Variants in BCAR3 observed in about 807,000 individuals in gnomAD.
The protein encoded by BCAR3 is BCAR3 adaptor protein, NSP family member, also known as breast cancer anti-estrogen resistance protein 3.
A neutral mutation model predicts 80.1 loss-of-function variants in BCAR3; 37 were observed. That is an observed-to-expected ratio of 0.46 (90% CI 0.36 to 0.61). The LOEUF is 0.61. Among genes scored for constraint, BCAR3 ranks in the 20% least tolerant of loss-of-function variants. The pLI, the probability that BCAR3 is intolerant of heterozygous loss-of-function variation, is 0.00. For synonymous variants in BCAR3, 389 were observed against 418.9 expected (o/e 0.93, Z 0.87); for missense variants, 978 against 1,068.2 (o/e 0.92, Z 1.18).
At chr1:93,634,282 T>C (rs1675710669) in intron 3 of BCAR3, among the ~76,000 whole-genome samples, 3 of 152,220 alleles carry the variant, frequency 2.0e-5, no homozygotes, top group Admixed American at 2.0e-4. Context: ...AATCTCATCT[T>C]GAATTCCCAT....
intron 9 of BCAR3, among the ~76,000 whole-genome samples, chr1:93,571,114 G>A (rs1401684645): frequency 6.6e-6 from 1 of 151,814 alleles, no homozygotes; most frequent in Non-Finnish European, 1.5e-5. Flanking sequence ...TGAGGCAGGA[G>A]AATCGCTTGA....
At chr1:93,807,023 T>C (rs138032521) in intron 2 of BCAR3, among the ~76,000 whole-genome samples, 2 of 152,016 alleles carry the variant, frequency 1.3e-5, no homozygotes, top group African/African-American at 4.8e-5. Flanking sequence ...GAAGATTGCT[T>C]GAGCCCAGGA....
intron 1 of BCAR3, among the ~76,000 whole-genome samples, chr1:93,675,966 A>T (rs977559265): frequency 7.2e-6 from 1 of 138,462 alleles, no homozygotes; most frequent in African/African-American, 2.7e-5. Flanking sequence ...GCCCCTGGAG[A>T]TAGAGGCTCC....
At chr1:93,618,650 T>C (rs1386161388) in intron 3 of BCAR3, among the ~76,000 whole-genome samples, 3 of 152,168 alleles carry the variant, frequency 2.0e-5, no homozygotes, top group Non-Finnish European at 4.4e-5. Flanking sequence ...AAATCTTATA[T>C]TACACAAGCT....
Position 93,567,437 on chromosome 1 carries a change from A to G in BCAR3, c.2141T>C (p.Val714Ala). Residue 714 changes from valine (V) to alanine (A), a missense_variant, in exon 11 of 12, where the codon GTG becomes GCG. By Grantham distance (64) the Val-to-Ala change is moderately conservative. Coordinates refer to ENST00000260502, the MANE Select transcript of BCAR3 (RefSeq NM_003567.4). ...NVSVPLLMPL[V>A]TLMERQAVTF... ...CACAGCCTGGCGCTCCATTAACGTC[A>G]CAAGCGGCATCAGCAGTGGGACTGA... 1 of 1,614,206 alleles carries G rather than the reference A, an allele frequency of 6.2e-7. No homozygotes were observed. Among genetic ancestry groups the G allele is most frequent in the South Asian group, 1.1e-5 (1 of 91,082 alleles).
At chr1:93,614,504 A>AT (rs1675047636) in intron 3 of BCAR3, among the ~76,000 whole-genome samples, 1 of 152,064 alleles carries the variant, frequency 6.6e-6, no homozygotes, top group African/African-American at 2.4e-5. Flanking sequence ...GAAATACTAG[A>AT]TGTACTAAGT....
chr1:93,585,520 TC>T (rs1321961793), intron 5 of BCAR3, among the ~76,000 whole-genome samples: 3 of 152,196 alleles, frequency 2.0e-5, no homozygotes, highest in Non-Finnish European at 4.4e-5. Context: ...TAGGAGGCCT[TC>T]CCTGCAGCAG....
intron 1 of BCAR3, among the ~76,000 whole-genome samples, chr1:93,677,689 G>A (rs887409569): frequency 2.0e-5 from 3 of 152,152 alleles, no homozygotes; most frequent in African/African-American, 4.8e-5. Context: ...AAGGTGGTGC[G>A]ATGCTGTAAC....
At chr1:93,829,767 C>T (rs944948635) in intron 2 of BCAR3, among the ~76,000 whole-genome samples, 1 of 152,154 alleles carries the variant, frequency 6.6e-6, no homozygotes, top group Non-Finnish European at 1.5e-5. Context: ...CATTTCTACC[C>T]CTACAATGGC....
chr1:93,826,950 G>C (rs1036818264), intron 2 of BCAR3, among the ~76,000 whole-genome samples: 3 of 152,150 alleles, frequency 2.0e-5, no homozygotes, highest in South Asian at 4.1e-4. Context: ...GTCATCAGTG[G>C]AGGGAAATAA....
Position 93,676,832 on chromosome 1 carries a change from A to C in BCAR3, c.-11-1891T>G, listed in dbSNP as rs146709972. 9.2e-5 allele frequency among the ~76,000 whole-genome samples: 14 copies of C among 152,314 alleles called. No individual in the cohort carries two copies. The East Asian group carries it at 2.7e-3, about 29-fold the overall frequency. The stretch of plus-strand genomic sequence containing the variant: ...AACTTCTTCATGTGCATAGGGCCAC[A>C]CTGTTGATCAAATCTATTTCCAATA... On this transcript the variant is annotated intron_variant, in intron 1 of 11. Coordinates refer to ENST00000260502, the MANE Select transcript of BCAR3 (RefSeq NM_003567.4).
chr1:93,606,220 A>C (rs1286286291), intron 3 of BCAR3, among the ~76,000 whole-genome samples: 1 of 152,240 alleles, frequency 6.6e-6, no homozygotes, highest in Non-Finnish European at 1.5e-5. Context: ...TAAAAAATGC[A>C]AACAGCAAAC....
At chr1:93,743,777 G>C (rs567006425) in intron 2 of BCAR3, among the ~76,000 whole-genome samples, 1 of 152,254 alleles carries the variant, frequency 6.6e-6, no homozygotes, top group East Asian at 1.9e-4. Context: ...ATGTAAATAG[G>C]TATTTATTTA....
chr1:93,823,467 T>G lies in BCAR3; in HGVS notation c.-63+22100A>C, dbSNP rs1174486103. On this transcript the variant is annotated intron_variant, in intron 2 of 13. Coordinates refer to the BCAR3 transcript ENST00000370244. ...AGCTATCTGCCCTCTGCAATCTTCC[T>G]TTTCCCTTCCACTCCTGAAGGGATT... Among the ~76,000 whole-genome samples the G allele has an allele frequency of 3.0e-5, 4 of 133,452 alleles. 1 individual carries two copies. Among genetic ancestry groups the G allele is most frequent in the Non-Finnish European group, 6.8e-5 (4 of 59,214 alleles). 87.5% of individuals were successfully genotyped at this position (133,452 alleles called of 152,430 possible).
chr1:93,844,306 CAAAATAAAAATA>C (rs911634920), intron 2 of BCAR3, among the ~76,000 whole-genome samples: 64 of 152,132 alleles, frequency 4.2e-4, no homozygotes, highest in African/African-American at 1.4e-3. Flanking sequence ...GACTCTGTCT[CAAAATAAAAATA>C]AAAATAAAAC....
intron 2 of BCAR3, chr1:93,845,502 A>ATATATATATATCATTTTGTCAAG: frequency 8.8e-6 from 1 of 113,822 alleles, no homozygotes; most frequent in African/African-American, 3.5e-5. Context: ...ATATATATAT[A>ATATATATATATCATTTTGTCAAG]AAACTTTGTT....
intron 2 of BCAR3, among the ~76,000 whole-genome samples, chr1:93,810,656 G>T (rs1272364044): frequency 6.6e-6 from 1 of 152,134 alleles, no homozygotes; most frequent in Non-Finnish European, 1.5e-5. Context: ...GACACCAGGC[G>T]AACTAAGGTG....
intron 2 of BCAR3, among the ~76,000 whole-genome samples, chr1:93,735,028 T>C (rs947165055): frequency 2.0e-5 from 3 of 152,198 alleles, no homozygotes; most frequent in African/African-American, 7.2e-5. Context: ...AACTGCTCTG[T>C]AAGCTCCTTG....
At chr1:93,675,925 CAAAA>C (rs58706715) in intron 1 of BCAR3, among the ~76,000 whole-genome samples, 1,614 of 51,302 alleles carry the variant, frequency 0.031, 16 homozygotes, top group African/African-American at 0.07. Context: ...AAATAGGAGA[CAAAA>C]AAAAAAAAAA....
Sources: gnomAD v4.1 joint callset for allele counts (sites outside exome capture counted in the v4.1 genomes callset) on GRCh38, gnomAD v4.1.1 for gene constraint, MANE v1.5 for transcripts, NCBI Gene and HGNC (gene_info 2026-07-23, HGNC 2026-07-21) for gene names.